The following DISC1 variants were observed in gnomAD, a reference collection of about 807,000 sequenced individuals.
The protein encoded by DISC1 is disrupted in schizophrenia 1 protein.
DISC1 carries 57 observed loss-of-function variants against 84.5 expected under a neutral mutation model. That is an observed-to-expected ratio of 0.67 (90% CI 0.55 to 0.84). The LOEUF (loss-of-function observed/expected upper bound fraction) is 0.84, where lower values mean the gene tolerates loss of function less well. Among genes scored for constraint, DISC1 ranks in the 40% least tolerant of loss-of-function variants. The pLI, the probability that DISC1 is intolerant of heterozygous loss-of-function variation, is 0.00. For synonymous variants in DISC1, 411 were observed against 415.2 expected, an observed-to-expected ratio of 0.99 and a Z score of 0.12; for missense variants, 1,000 against 1,057.8, an observed-to-expected ratio of 0.95 and a Z score of 0.76.
At chr1:231,686,543 C>T (rs778014092) in intron 1 of DISC1, among the ~76,000 whole-genome samples, 1 of 152,160 alleles carries the variant, frequency 6.6e-6, no homozygotes, top group Non-Finnish European at 1.5e-5. Flanking sequence ...CCCATGCACA[C>T]AGCATGGGGA....
At chr1:231,801,173 A>T (rs1252043846) in intron 8 of DISC1, among the ~76,000 whole-genome samples, 1 of 152,144 alleles carries the variant, frequency 6.6e-6, no homozygotes, top group Non-Finnish European at 1.5e-5. Context: ...TGGTGCAGTC[A>T]CGCGTATTAT....
At chr1:232,027,271 G>A (rs1391746424) in intron 12 of DISC1, among the ~76,000 whole-genome samples, 1 of 152,154 alleles carries the variant, frequency 6.6e-6, no homozygotes, top group Admixed American at 6.5e-5. Flanking sequence ...ACTCTACCTA[G>A]TAATGGGCAG....
chr1:231,790,128 C>T (rs1382747849), intron 6 of DISC1, among the ~76,000 whole-genome samples: 1 of 152,082 alleles, frequency 6.6e-6, no homozygotes, highest in Non-Finnish European at 1.5e-5. Flanking sequence ...GAAAAGAAAC[C>T]GTCAGTCTGA....
At chr1:231,710,147 G>A (rs1023764074) in intron 3 of DISC1, among the ~76,000 whole-genome samples, 3 of 152,062 alleles carry the variant, frequency 2.0e-5, no homozygotes, top group African/African-American at 7.2e-5. Flanking sequence ...GACCAGCCTC[G>A]GCAACACTGT....
At chr1:231,752,412 C>T (rs1333590777) in intron 4 of DISC1, among the ~76,000 whole-genome samples, 7 of 152,006 alleles carry the variant, frequency 4.6e-5, no homozygotes, top group African/African-American at 1.7e-4. Context: ...AGGGAGGTGC[C>T]ACACACTTTT....
At chr1:231,720,807 C>CCT in intron 3 of DISC1, 1 of 1,276,078 alleles carries the variant, frequency 7.8e-7, no homozygotes, top group Non-Finnish European at 1.0e-6. Context: ...AGAAGTGGTT[C>CCT]TGAGCAGCAG....
At chr1:231,941,265 A>G (rs913969965) in intron 9 of DISC1, among the ~76,000 whole-genome samples, 1 of 152,102 alleles carries the variant, frequency 6.6e-6, no homozygotes, top group Non-Finnish European at 1.5e-5. Flanking sequence ...AGTGACCCCT[A>G]TTCTGCTAAT....
At chr1:231,951,441 C>G (rs184607797) in intron 9 of DISC1, among the ~76,000 whole-genome samples, 23 of 152,246 alleles carry the variant, frequency 1.5e-4, no homozygotes, top group African/African-American at 5.5e-4. Context: ...TTCTAAAACA[C>G]AAATCTTATT....
At chr1:231,977,856 A>G (rs774591435) in intron 10 of DISC1, among the ~76,000 whole-genome samples, 5 of 152,262 alleles carry the variant, frequency 3.3e-5, no homozygotes, top group Non-Finnish European at 7.3e-5. Context: ...ATTCTTTAAT[A>G]TCATCAGCTA....
At chr1:231,872,625 T>A (rs1032838850) in intron 9 of DISC1, among the ~76,000 whole-genome samples, 3 of 152,214 alleles carry the variant, frequency 2.0e-5, no homozygotes, top group African/African-American at 7.2e-5. Context: ...TCTGCTGTTG[T>A]TTGCATACTG....
chr1:232,011,726 A>G (rs1264434289), intron 11 of DISC1, among the ~76,000 whole-genome samples: 1 of 152,146 alleles, frequency 6.6e-6, no homozygotes, highest in Non-Finnish European at 1.5e-5. Context: ...TAAATCCATA[A>G]TTTTACATCA....
At chr1:231,716,543 G>T (rs2068753499) in intron 3 of DISC1, among the ~76,000 whole-genome samples, 1 of 152,014 alleles carries the variant, frequency 6.6e-6, no homozygotes, top group African/African-American at 2.4e-5. Context: ...TTGAAACCCT[G>T]CTTGGGCTTT....
chr1:231,772,102 A>G (rs2076596961), intron 6 of DISC1, among the ~76,000 whole-genome samples: 1 of 151,558 alleles, frequency 6.6e-6, no homozygotes, highest in African/African-American at 2.4e-5. Flanking sequence ...GGCTTGGGTC[A>G]CCACATCCGG....
At chr1:231,810,287 G>A (rs1315677550) in intron 8 of DISC1, among the ~76,000 whole-genome samples, 2 of 152,290 alleles carry the variant, frequency 1.3e-5, no homozygotes, top group African/African-American at 4.8e-5. Context: ...AAACAGTGAC[G>A]ATGGTCCAGG....
In DISC1 at chr1:231,738,428, C is replaced by A; in HGVS notation, c.1118-11498C>A. Among the ~76,000 whole-genome samples the A allele has an allele frequency of 1.3e-5, 2 of 152,208 alleles. 1 individual carries two copies. The highest frequency in any genetic ancestry group is 2.9e-5 in the Non-Finnish European group (2 of 68,030). On this transcript the variant is annotated intron_variant, in intron 3 of 12. Coordinates refer to ENST00000439617, the MANE Select transcript of DISC1 (RefSeq NM_018662.3). ...TGTCTTCCATGTCCTTGAAAGTTTT[C>A]AGGAGTGTAGACCTTACATTTTGTT...
At chr1:231,780,355 G>C (rs1402788812) in intron 6 of DISC1, among the ~76,000 whole-genome samples, 1 of 151,962 alleles carries the variant, frequency 6.6e-6, no homozygotes, top group African/African-American at 2.4e-5. Context: ...ACTCAAGGGA[G>C]GAATTCTGTT....
At chr1:231,751,746 A>T (rs1422219552) in intron 4 of DISC1, among the ~76,000 whole-genome samples, 1 of 152,152 alleles carries the variant, frequency 6.6e-6, no homozygotes, top group Non-Finnish European at 1.5e-5. Flanking sequence ...TGTGACTGAC[A>T]TTTCTCATAG....
intron 1 of DISC1, among the ~76,000 whole-genome samples, chr1:231,683,800 C>T (rs972778240): frequency 2.6e-5 from 4 of 151,966 alleles, no homozygotes; most frequent in Non-Finnish European, 4.4e-5. Flanking sequence ...CCTCTCGGTC[C>T]CCACCTGGAA....
At chr1:231,908,647 A>T (rs1356100278) in intron 9 of DISC1, among the ~76,000 whole-genome samples, 1 of 152,190 alleles carries the variant, frequency 6.6e-6, no homozygotes, top group Non-Finnish European at 1.5e-5. Context: ...TGTCTTGGCA[A>T]TGTGGGCTCC....
Sources: gnomAD v4.1 joint callset for allele counts (sites outside exome capture counted in the v4.1 genomes callset) on GRCh38, gnomAD v4.1.1 for gene constraint, MANE v1.5 for transcripts, NCBI Gene and HGNC (gene_info 2026-07-23, HGNC 2026-07-21) for gene names.